Variants in PADI4 observed in about 807,000 individuals in gnomAD.
PADI4 encodes peptidyl arginine deiminase 4.
A neutral mutation model predicts 75.0 loss-of-function variants in PADI4; 62 were observed. The observed-to-expected ratio is 0.83, with a 90% CI of 0.67 to 1.02. The LOEUF is 1.02. Ranked by LOEUF, PADI4 falls within the 50% of genes least tolerant of loss-of-function variation. PADI4 has a pLI of 0.00. For missense variants in PADI4, 845 were observed against 850.5 expected, an observed-to-expected ratio of 0.99 and a Z score of 0.08; for synonymous variants, 361 against 348.1, an observed-to-expected ratio of 1.04 and a Z score of -0.41.
At chr1:17,323,612 T>A (rs2074068055) in intron 1 of PADI4, among the ~76,000 whole-genome samples, 1 of 152,088 alleles carries the variant, frequency 6.6e-6, no homozygotes, top group African/African-American at 2.4e-5. Flanking sequence ...AGGCAGCAGA[T>A]CACTTAAGTC....
intron 15 of PADI4, among the ~76,000 whole-genome samples, chr1:17,359,836 G>A (rs2074823926): frequency 6.6e-6 from 1 of 152,232 alleles, no homozygotes; most frequent in African/African-American, 2.4e-5. Context: ...AAAGGGGTCA[G>A]TGAACCAGTC....
intron 15 of PADI4, among the ~76,000 whole-genome samples, chr1:17,362,169 G>A (rs2074856286): frequency 6.6e-6 from 1 of 151,990 alleles, no homozygotes; most frequent in East Asian, 1.9e-4. Flanking sequence ...CTTGAGTCCA[G>A]GAGTTCAAGA....
chr1:17,358,271 T>C (rs1308512630), intron 13 of PADI4, among the ~76,000 whole-genome samples: 2 of 70,176 alleles, frequency 2.8e-5, no homozygotes, highest in Non-Finnish European at 5.4e-5. Flanking sequence ...AATTACACTA[T>C]AAAAATATAT....
rs1467171991 is a variant in PADI4 at position 17,311,300 on chromosome 1, T to C, written c.92+2986T>C. ...GTTAAAGGTGGCAAAGCCAGGACTG[T>C]CTGACCCTAAACCCACCCTGCTTCG... On this transcript the variant is annotated intron_variant, in intron 1 of 15. Coordinates refer to ENST00000375448, the MANE Select transcript of PADI4 (RefSeq NM_012387.3). Among the ~76,000 whole-genome samples the C allele has an allele frequency of 2.0e-5, 3 of 151,540 alleles. No homozygotes were observed. The South Asian group carries it at 6.2e-4, about 31-fold the overall frequency.
intron 1 of PADI4, among the ~76,000 whole-genome samples, chr1:17,320,114 T>A (rs2074009061): frequency 6.6e-6 from 1 of 152,224 alleles, no homozygotes; most frequent in Non-Finnish European, 1.5e-5. Flanking sequence ...AAGGCTGTAT[T>A]CCTTCTGGAA....
intron 15 of PADI4, among the ~76,000 whole-genome samples, chr1:17,360,778 C>T (rs991715504): frequency 3.3e-5 from 5 of 152,134 alleles, no homozygotes; most frequent in African/African-American, 4.8e-5. Flanking sequence ...CAGGGACACA[C>T]GTGGGGGCAC....
At chr1:17,321,168 T>C (rs1445721928) in intron 1 of PADI4, among the ~76,000 whole-genome samples, 4 of 152,002 alleles carry the variant, frequency 2.6e-5, no homozygotes, top group Non-Finnish European at 4.4e-5. Context: ...AGATGGGCCT[T>C]TGGGGCTGGA....
rs189112580 is a variant in PADI4 at position 17,341,321 on chromosome 1, G to A, written c.653-622G>A. Among the ~76,000 whole-genome samples the A allele has an allele frequency of 2.0e-3, 303 of 152,166 alleles. 1 individual carries two copies. The highest frequency in any genetic ancestry group is 7.2e-3 in the African/African-American group (297 of 41,534). On this transcript the variant is annotated intron_variant, in intron 6 of 15. Coordinates refer to ENST00000375448, the MANE Select transcript of PADI4 (RefSeq NM_012387.3). Reference sequence around the variant, plus strand: ...TCACCATGTTGGCCAGGCTGGTCTGGATCTCCTGACCTTGTGATCCTCCTG... The same window carrying A: ...TCACCATGTTGGCCAGGCTGGTCTGAATCTCCTGACCTTGTGATCCTCCTG...
intron 4 of PADI4, among the ~76,000 whole-genome samples, chr1:17,336,950 T>A (rs1570038807): frequency 6.6e-6 from 1 of 152,208 alleles, no homozygotes; most frequent in East Asian, 1.9e-4. Flanking sequence ...CACTATTAGA[T>A]CCCTACAGGG....
At position 17,356,162 on chromosome 1, in the gene PADI4, C is replaced by T; in HGVS notation, c.1455+35C>T. 1 of 1,606,232 alleles carries T rather than the reference C, an allele frequency of 6.2e-7. No individual in the cohort carries two copies. The highest frequency in any genetic ancestry group is 8.5e-7 in the Non-Finnish European group (1 of 1,173,900). ...TGGGGGCTGCCTCAGGAAGCCATGC[C>T]TCCTTCCTGGGTAGACCCTCTGCCT... On this transcript the variant is annotated intron_variant, in intron 12 of 15. Coordinates refer to ENST00000375448, the MANE Select transcript of PADI4 (RefSeq NM_012387.3). The surrounding 1 kb of genome is among the most constrained non-coding windows in gnomAD (Gnocchi z 4.1).
chr1:17,309,540 T>C (rs556497548), intron 1 of PADI4, among the ~76,000 whole-genome samples: 6 of 152,228 alleles, frequency 3.9e-5, no homozygotes, highest in African/African-American at 1.4e-4. Flanking sequence ...TAATAAATCC[T>C]CCTCAACCCC....
intron 1 of PADI4, among the ~76,000 whole-genome samples, chr1:17,330,286 C>T (rs2074187041): frequency 6.6e-6 from 1 of 152,208 alleles, no homozygotes; most frequent in African/African-American, 2.4e-5. Flanking sequence ...TCAGAGTAAG[C>T]ACTGGCTGCT....
chr1:17,332,791 G>A (rs1333322735), intron 2 of PADI4, among the ~76,000 whole-genome samples: 1 of 152,156 alleles, frequency 6.6e-6, no homozygotes, highest in Non-Finnish European at 1.5e-5. Context: ...CACAGAGCTT[G>A]ACTATCCAGG....
rs939146954 is a variant in PADI4, at chr1:17,358,831, A to G, written c.1559-7A>G. ...ATTTGCCTTTTTTTTCTTTTTCTCCATGACAGAAAAAAAACAGCAGAAAAT... is the reference window on the plus strand; with the variant it reads ...ATTTGCCTTTTTTTTCTTTTTCTCCGTGACAGAAAAAAAACAGCAGAAAAT... On this transcript the variant is annotated splice_region_variant and splice_polypyrimidine_tract_variant and intron_variant, in intron 13 of 15. Transcript: ENST00000375448. 2.5e-6 allele frequency: 4 copies of G among 1,587,734 alleles called. No individual in the cohort carries two copies. The highest frequency in any genetic ancestry group is 1.7e-5 in the Admixed American group (1 of 57,954).
rs2074517640 is a variant in PADI4 at position 17,346,449 on chromosome 1, G to A, written c.1047+310G>A. On this transcript the variant is annotated intron_variant, in intron 9 of 15. Transcript: ENST00000375448. This position sits in a 1 kb window ranked among gnomAD's most constrained non-coding sequence, Gnocchi z 4.3. ...TGGTGCTCAACCAGCCCCTCAAGTGGTCCTCCCTCCAGGCTGTCCATCTTG... is the reference window on the plus strand; with the variant it reads ...TGGTGCTCAACCAGCCCCTCAAGTGATCCTCCCTCCAGGCTGTCCATCTTG... Among the ~76,000 whole-genome samples, 1 of 152,086 alleles carries A rather than the reference G, an allele frequency of 6.6e-6. No individual in the cohort carries two copies.
At chr1:17,334,533 C>T in intron 3 of PADI4, 1 of 453,170 alleles carries the variant, frequency 2.2e-6, no homozygotes, top group Non-Finnish European at 4.4e-6. Context: ...GAACTTCTGA[C>T]CTCAGGTGAT....
chr1:17,347,944 G>A lies in PADI4; in HGVS notation c.1051G>A (p.Glu351Lys), dbSNP rs2074547189. 3 of 1,571,084 alleles carry A rather than the reference G, an allele frequency of 1.9e-6. No individual in the cohort carries two copies. The highest frequency in any genetic ancestry group is 1.4e-5 in the African/African-American group (1 of 74,056). Reference sequence around the variant, plus strand: ...TCCTCTCCACTCACTCCCACAGGATGAAATGGAGATCGGCTACATCCAAGC... The same window carrying A: ...TCCTCTCCACTCACTCCCACAGGATAAAATGGAGATCGGCTACATCCAAGC... Reference protein sequence around the residue: ...ENMDDQWMQDEMEIGYIQAPH... With the variant: ...ENMDDQWMQDKMEIGYIQAPH... The change falls in exon 10 of 16, where the codon GAA becomes AAA. Residue 351 changes from glutamate (E) to lysine (K), a missense_variant. Transcript: ENST00000375448.
At chr1:17,340,252 C>T (rs34965564) in intron 6 of PADI4, among the ~76,000 whole-genome samples, 4,019 of 152,212 alleles carry the variant, frequency 0.026, 73 homozygotes, top group African/African-American at 0.041. Context: ...TGACTGTGAC[C>T]GAGTCCCTGC....
chr1:17,318,811 G>A (rs1249251429), intron 1 of PADI4, among the ~76,000 whole-genome samples: 2 of 149,956 alleles, frequency 1.3e-5, no homozygotes, highest in Non-Finnish European at 1.5e-5. Flanking sequence ...TCAGCCTCCC[G>A]AGTAGCTGGG....
Sources: gnomAD v4.1 joint callset for allele counts (sites outside exome capture counted in the v4.1 genomes callset) on GRCh38, gnomAD v4.1.1 for gene constraint, Gnocchi (gnomAD v3.1) non-coding constraint, MANE v1.5 for transcripts, NCBI Gene and HGNC (gene_info 2026-07-23, HGNC 2026-07-21) for gene names.